PCDH19: variants seen among roughly 807,000 people sequenced by gnomAD.
PCDH19 encodes protocadherin-19.
Under a neutral mutation model 46.2 loss-of-function variants are expected in PCDH19, and 6 were observed. The ratio of observed to expected loss-of-function variants is 0.13; its 90% CI spans 0.07 to 0.26. PCDH19 has a LOEUF of 0.26. Among genes scored for constraint, PCDH19 ranks in the 10% least tolerant of loss-of-function variants. The probability of loss-of-function intolerance (pLI) is 1.00; values close to 1 mark genes in which losing one functional copy is unlikely to be tolerated. For synonymous variants in PCDH19, 481 were observed against 415.7 expected, an observed-to-expected ratio of 1.16 and a Z score of -1.91; for missense variants, 740 against 972.3, an observed-to-expected ratio of 0.76 and a Z score of 3.18.
chrX:100,401,549 G>A (rs1164054143), intron 3 of PCDH19, among the ~76,000 whole-genome samples: 1 of 110,316 alleles, frequency 9.1e-6, no homozygotes, highest in Admixed American at 9.6e-5. Flanking sequence ...CTACTCTGGA[G>A]GCTGGAGCAG....
chrX:100,374,714 C>A (rs1293911687), intron 3 of PCDH19, among the ~76,000 whole-genome samples: 1 of 111,345 alleles, frequency 9.0e-6, no homozygotes, highest in Non-Finnish European at 1.9e-5. Flanking sequence ...CCGAGGCTGG[C>A]GGATCACAAG....
chrX:100,367,902 G>A (rs1400998197), intron 3 of PCDH19, among the ~76,000 whole-genome samples: 2 of 111,179 alleles, frequency 1.8e-5, no homozygotes, highest in Admixed American at 9.5e-5. Flanking sequence ...GATAGACCTA[G>A]GGAAAATATT....
intron 3 of PCDH19, among the ~76,000 whole-genome samples, chrX:100,357,829 A>G (rs1926762988): frequency 8.9e-6 from 1 of 112,138 alleles, no homozygotes; most frequent in South Asian, 3.7e-4. Context: ...CTCTCTTTTG[A>G]GGTCCCTGTG....
At chrX:100,401,275 ACCAG>A (rs1928171705) in intron 3 of PCDH19, among the ~76,000 whole-genome samples, 1 of 112,057 alleles carries the variant, frequency 8.9e-6, no homozygotes, top group Non-Finnish European at 1.9e-5. Context: ...CCAGCCACCC[ACCAG>A]CCATCATCCA....
At chrX:100,329,956 GTAA>G (rs1185667217) in intron 5 of PCDH19, among the ~76,000 whole-genome samples, 1 of 111,943 alleles carries the variant, frequency 8.9e-6, no homozygotes, top group East Asian at 2.8e-4. Context: ...GCTAGTGATG[GTAA>G]TAATAAGAGT....
chrX:100,316,160 GA>G (rs1284962517), intron 5 of PCDH19, among the ~76,000 whole-genome samples: 1 of 111,970 alleles, frequency 8.9e-6, no homozygotes, highest in African/African-American at 3.3e-5. Flanking sequence ...CTTTCCATAT[GA>G]TTCAAACTCA....
intron 5 of PCDH19, among the ~76,000 whole-genome samples, chrX:100,336,898 C>A (rs1169087872): frequency 1.8e-5 from 2 of 111,701 alleles, no homozygotes. Flanking sequence ...TCCCTATAAA[C>A]CCCAATCTCA....
intron 3 of PCDH19, among the ~76,000 whole-genome samples, chrX:100,367,091 A>C (rs1367130055): frequency 8.9e-6 from 1 of 112,801 alleles, no homozygotes; most frequent in Admixed American, 9.4e-5. Context: ...CAGATCATTC[A>C]GAGGCTTCCC....
chrX:100,336,820 A>G (rs953925610), intron 5 of PCDH19, among the ~76,000 whole-genome samples: 1 of 111,813 alleles, frequency 8.9e-6, no homozygotes, highest in African/African-American at 3.3e-5. Context: ...CCATAAGGAA[A>G]GAGGGACTGA....
rs1927030123 is a variant in PCDH19, at chrX:100,364,960, T to C, written c.2617-14256A>G. Among the ~76,000 whole-genome samples, 8 of 112,137 alleles carry C rather than the reference T, an allele frequency of 7.1e-5. No homozygotes were observed. The South Asian group carries it at 2.6e-3, about 37-fold the overall frequency. On this transcript the variant is annotated intron_variant, in intron 3 of 5. Transcript: ENST00000373034. ...TCCCCATCCCTCTATTCCCATTCCATTGAAATGCCAATGTGTAATATACAT... is the reference window on the plus strand; with the variant it reads ...TCCCCATCCCTCTATTCCCATTCCACTGAAATGCCAATGTGTAATATACAT...
intron 3 of PCDH19, among the ~76,000 whole-genome samples, chrX:100,363,889 G>C (rs1394548471): frequency 9.4e-6 from 1 of 106,461 alleles, no homozygotes; most frequent in East Asian, 2.9e-4. Context: ...GTGTGTGTGA[G>C]AGAGAGGGAG....
At chrX:100,323,362 T>C (rs1925582146) in intron 5 of PCDH19, among the ~76,000 whole-genome samples, 4 of 111,836 alleles carry the variant, frequency 3.6e-5, no homozygotes, top group Non-Finnish European at 3.8e-5. Flanking sequence ...GCAGTAACCC[T>C]TTCATAACAG....
chrX:100,364,895 G>GA (rs1261719423), intron 3 of PCDH19, among the ~76,000 whole-genome samples: 2 of 112,147 alleles, frequency 1.8e-5, no homozygotes, highest in African/African-American at 3.2e-5. Context: ...GAACTTAGTA[G>GA]AAAAAACTGG....
chrX:100,294,941 T>C lies in PCDH19; in HGVS notation c.*1336A>G, dbSNP rs1425291151. On this transcript the variant is annotated 3_prime_UTR_variant, in exon 6 of 6. Transcript: ENST00000373034. Reference sequence around the variant, plus strand: ...GATTTTTATTTTAGTATTTTCTTGTTCACATTTTTAATCAAAAAACTATTA... The same window carrying C: ...GATTTTTATTTTAGTATTTTCTTGTCCACATTTTTAATCAAAAAACTATTA... The C allele has an allele frequency of 8.9e-6, 1 of 112,718 alleles. No homozygotes were observed. The highest frequency in any genetic ancestry group is 1.9e-5 in the Non-Finnish European group (1 of 53,239). The allele number at this position is 112,718 out of a possible 1,213,427, so 9.3% of individuals were successfully genotyped here.
rs57070852 is a variant in PCDH19 at position 100,393,497 on chromosome X, TACACACACACACACACAC to T, written c.2616+9009_2616+9026del. ...TCTCCCACACATACACATACATACA[TACACACACACACACACAC>T]ACACACACACACACACACACAAACT... On this transcript the variant is annotated intron_variant, in intron 3 of 5. Coordinates refer to ENST00000373034, the MANE Select transcript of PCDH19 (RefSeq NM_001184880.2). Among the ~76,000 whole-genome samples the T allele has an allele frequency of 4.2e-3, 379 of 90,076 alleles. 2 individuals are homozygous for T. Among genetic ancestry groups the T allele is most frequent in the African/African-American group, 0.014 (350 of 24,803 alleles). 78.2% of individuals were successfully genotyped at this position (90,076 alleles called of 115,157 possible).
At chrX:100,379,090 TG>T (rs1304636696) in intron 3 of PCDH19, among the ~76,000 whole-genome samples, 1 of 110,965 alleles carries the variant, frequency 9.0e-6, no homozygotes, top group African/African-American at 3.3e-5. Context: ...GAAAATTCAA[TG>T]AAGAAGTCAG....
chrX:100,315,226 T>C (rs1335267), intron 5 of PCDH19, among the ~76,000 whole-genome samples: 4,830 of 112,079 alleles, frequency 0.043, 253 homozygotes, highest in East Asian at 0.25. Flanking sequence ...GAGAAGAGTA[T>C]TAACTGTACA....
chrX:100,372,992 G>A (rs1376109164), intron 3 of PCDH19, among the ~76,000 whole-genome samples: 1 of 111,975 alleles, frequency 8.9e-6, no homozygotes, highest in South Asian at 3.7e-4. Flanking sequence ...TTCTCTTTCT[G>A]CCTTGTGTCC....
chrX:100,381,966 G>A (rs187343246), intron 3 of PCDH19, among the ~76,000 whole-genome samples: 4 of 110,703 alleles, frequency 3.6e-5, no homozygotes, highest in African/African-American at 9.8e-5. Context: ...TTAATTATAC[G>A]TGCATGGATT....
Sources: allele counts gnomAD v4.1 joint callset (sites outside exome capture counted in the v4.1 genomes callset), GRCh38; gene constraint gnomAD v4.1.1; transcripts MANE v1.5; gene names NCBI Gene and HGNC (gene_info 2026-07-23, HGNC 2026-07-21).